GMEB1: variants seen among roughly 807,000 people sequenced by gnomAD.
GMEB1 encodes the protein glucocorticoid modulatory element binding protein 1, also known as glucocorticoid modulatory element-binding protein 1.
In GMEB1, 6 loss-of-function variants were observed where a neutral mutation model predicts 52.4. The ratio of observed to expected loss-of-function variants is 0.11; its 90% CI spans 0.06 to 0.23. The LOEUF is 0.23. Among genes scored for constraint, GMEB1 ranks in the 10% least tolerant of loss-of-function variants. The probability of loss-of-function intolerance (pLI) is 1.00; values close to 1 mark genes in which losing one functional copy is unlikely to be tolerated. For missense variants in GMEB1, 486 were observed against 685.6 expected (o/e 0.71, Z 3.25); for synonymous variants, 255 against 244.9 (o/e 1.04, Z -0.38).
intron 9 of GMEB1, 67 bp from the exon 10 acceptor site, chr1:28,714,006 G>A: frequency 8.6e-7 from 1 of 1,167,906 alleles, no homozygotes; most frequent in Non-Finnish European, 1.2e-6. Context: ...CAGGTCTCCT[G>A]ACTCTCAGTT....
rs1671321934 is a variant in GMEB1, at chr1:28,718,322, C to G, written c.*3549C>G. 6.6e-6 allele frequency: 1 copy of G among 152,190 alleles called. No individual in the cohort carries two copies. The highest frequency in any genetic ancestry group is 6.5e-5 in the Admixed American group (1 of 15,276). The allele number at this position is 152,190 out of a possible 1,614,324, so 9.4% of individuals were successfully genotyped here. On this transcript the variant is annotated 3_prime_UTR_variant, in exon 10 of 10. Coordinates refer to ENST00000373816, the MANE Select transcript of GMEB1 (RefSeq NM_001319674.2). ...GGAGTTAAGAAATACATATTTCAGC[C>G]AGGCATGGTGGCTCACACCTAGAAT... is the stretch of plus-strand genomic sequence containing the variant.
chr1:28,682,710 C>G (rs1482501281), intron 1 of GMEB1, among the ~76,000 whole-genome samples: 3 of 151,838 alleles, frequency 2.0e-5, no homozygotes, highest in African/African-American at 7.3e-5. Flanking sequence ...TCTTCCCCTT[C>G]CCATGCAGCT....
At chr1:28,684,152 T>TAA (rs1669521618) in intron 2 of GMEB1, among the ~76,000 whole-genome samples, 1 of 152,180 alleles carries the variant, frequency 6.6e-6, no homozygotes, top group Admixed American at 6.6e-5. Flanking sequence ...TATAGGCACA[T>TAA]ACCACTGCAC....
chr1:28,694,259 C>G (rs1445626456), intron 5 of GMEB1, among the ~76,000 whole-genome samples: 1 of 147,662 alleles, frequency 6.8e-6, no homozygotes, highest in Non-Finnish European at 1.5e-5. Context: ...GGCGCAGTCT[C>G]GGCTCACTGC....
intron 7 of GMEB1, 126 bp downstream of exon 7, chr1:28,702,695 T>G: frequency 1.4e-6 from 1 of 732,064 alleles, no homozygotes; most frequent in Non-Finnish European, 2.2e-6. Context: ...ATACTAACTA[T>G]AGCTACAAAC....
At position 28,716,744 on chromosome 1, in the gene GMEB1, G is replaced by C. The variant is rs1021273874; in HGVS notation, c.*1971G>C. ...AGGAATGTCAATAATAATGCTTTGG[G>C]GGGGGGGGTTATTTTGTTTTGTTTT... On this transcript the variant is annotated 3_prime_UTR_variant, in exon 10 of 10. Transcript: ENST00000373816. 6.7e-6 allele frequency: 1 copy of C among 148,436 alleles called. No individual in the cohort carries two copies. The highest frequency in any genetic ancestry group is 1.5e-5 in the Non-Finnish European group (1 of 67,026). The allele number at this position is 148,436 out of a possible 1,614,324, so 9.2% of individuals were successfully genotyped here.
intron 9 of GMEB1, among the ~76,000 whole-genome samples, chr1:28,713,445 A>C (rs1475329580): frequency 6.6e-6 from 1 of 152,204 alleles, no homozygotes; most frequent in Non-Finnish European, 1.5e-5. Flanking sequence ...AAAGCAACCA[A>C]GTTGACCATT....
chr1:28,686,569 C>A (rs1221649815), intron 2 of GMEB1, among the ~76,000 whole-genome samples: 1 of 138,164 alleles, frequency 7.2e-6, no homozygotes, highest in Non-Finnish European at 1.5e-5. Context: ...ATGGAGGTTG[C>A]AGTGAGCCGA....
chr1:28,698,336 C>G (rs917529537), intron 6 of GMEB1, among the ~76,000 whole-genome samples: 2 of 150,396 alleles, frequency 1.3e-5, no homozygotes, highest in African/African-American at 4.9e-5. Flanking sequence ...CAAGATCATT[C>G]CACTGCACTC....
Position 28,714,671 on chromosome 1 carries a change from C to T in GMEB1, c.1590C>T (p.Val530=). Residue 530 remains valine (V), a synonymous_variant, in exon 10 of 10, where the codon GTC becomes GTT. Transcript: ENST00000373816. The stretch of plus-strand genomic sequence containing the variant: ...CTGAAGATACTGAGGGCAAAGCAGT[C>T]ATCTTGGAGACAGAGCTGAGGACTG... ...PEAEDTEGKA[V]ILETELRTEE... is the part of the protein sequence containing the mutation. 6.2e-7 allele frequency: 1 copy of T among 1,614,050 alleles called. No homozygotes were observed.
At chr1:28,695,528 G>A (rs184318409) in intron 5 of GMEB1, among the ~76,000 whole-genome samples, 328 of 151,560 alleles carry the variant, frequency 2.2e-3, no homozygotes, top group Non-Finnish European at 4.1e-3. Flanking sequence ...CACCATTCCC[G>A]GCCCACATCA....
intron 1 of GMEB1, among the ~76,000 whole-genome samples, chr1:28,680,832 T>C (rs974245843): frequency 1.3e-5 from 2 of 151,480 alleles, no homozygotes; most frequent in African/African-American, 4.9e-5. Flanking sequence ...TCACCTGAGG[T>C]TGGGAGTTCA....
chr1:28,698,994 A>T, intron 6 of GMEB1, among the ~76,000 whole-genome samples: 1 of 152,150 alleles, frequency 6.6e-6, no homozygotes, highest in Non-Finnish European at 1.5e-5. Flanking sequence ...AAAAAAGGAA[A>T]AAAGAAAAAT....
At chr1:28,682,688 T>C (rs1326333418) in intron 1 of GMEB1, among the ~76,000 whole-genome samples, 1 of 150,276 alleles carries the variant, frequency 6.7e-6, no homozygotes, top group Non-Finnish European at 1.5e-5. Flanking sequence ...AGCAACTACA[T>C]GATAAAAGTC....
At chr1:28,693,940 A>G (rs1670081508) in intron 5 of GMEB1, among the ~76,000 whole-genome samples, 2 of 152,128 alleles carry the variant, frequency 1.3e-5, no homozygotes, top group Non-Finnish European at 2.9e-5. Context: ...CTGCTTTAAT[A>G]TATAGTCAAA....
At chr1:28,679,190 T>G (rs1669288920) in intron 1 of GMEB1, among the ~76,000 whole-genome samples, 1 of 151,732 alleles carries the variant, frequency 6.6e-6, no homozygotes, top group Non-Finnish European at 1.5e-5. Context: ...GACCTTTTTT[T>G]TTTTTGAGAT....
At chr1:28,670,414 G>A (rs576196200) in intron 1 of GMEB1, among the ~76,000 whole-genome samples, 1 of 152,172 alleles carries the variant, frequency 6.6e-6, no homozygotes, top group African/African-American at 2.4e-5. Flanking sequence ...TGCAACCTCC[G>A]CCTCTTGGGT....
chr1:28,707,001 T>C (rs2124573872), intron 8 of GMEB1, among the ~76,000 whole-genome samples: 1 of 135,950 alleles, frequency 7.4e-6, no homozygotes, highest in East Asian at 2.2e-4. Flanking sequence ...TTTTTTTTTT[T>C]TGAGATGGAG....
intron 1 of GMEB1, among the ~76,000 whole-genome samples, chr1:28,682,123 C>G (rs1001835841): frequency 2.0e-5 from 3 of 152,162 alleles, no homozygotes; most frequent in African/African-American, 7.2e-5. Flanking sequence ...TACCTATACT[C>G]TCTTAAGTGA....
Sources: allele counts gnomAD v4.1 joint callset (sites outside exome capture counted in the v4.1 genomes callset), GRCh38; gene constraint gnomAD v4.1.1; transcripts MANE v1.5; gene names NCBI Gene and HGNC (gene_info 2026-07-23, HGNC 2026-07-21).